CNTNAP2: variants seen among roughly 807,000 people sequenced by gnomAD.
CNTNAP2 encodes the protein contactin-associated protein-like 2.
CNTNAP2 carries 98 observed loss-of-function variants against 155.2 expected under a neutral mutation model. The observed-to-expected ratio is 0.63, with a 90% CI of 0.54 to 0.75. CNTNAP2 has a LOEUF of 0.75. Among genes scored for constraint, CNTNAP2 ranks in the 30% least tolerant of loss-of-function variants. The pLI is 0.00. For synonymous variants in CNTNAP2, 651 were observed against 631.2 expected (o/e 1.03, Z -0.47); for missense variants, 1,727 against 1,688.1 (o/e 1.02, Z -0.40).
chr7:147,638,692 G>C, intron 12 of CNTNAP2: 2 of 373,608 alleles, frequency 5.4e-6, no homozygotes, highest in Non-Finnish European at 5.4e-6. Flanking sequence ...GGAAGACTCA[G>C]AGGCTTGAAA....
chr7:147,674,697 G>A (rs977230284), intron 13 of CNTNAP2, among the ~76,000 whole-genome samples: 1 of 152,044 alleles, frequency 6.6e-6, no homozygotes, highest in African/African-American at 2.4e-5. Flanking sequence ...AATTTACACT[G>A]GTAATTGGAG....
intron 11 of CNTNAP2, among the ~76,000 whole-genome samples, chr7:147,506,767 C>G (rs1562971120): frequency 6.6e-6 from 1 of 152,198 alleles, no homozygotes; most frequent in Non-Finnish European, 1.5e-5. Context: ...GTCTGGTTTT[C>G]CACACTAGCT....
intron 1 of CNTNAP2, among the ~76,000 whole-genome samples, chr7:146,566,263 G>A (rs1798355381): frequency 6.6e-6 from 1 of 152,224 alleles, no homozygotes; most frequent in South Asian, 2.1e-4. Flanking sequence ...CTCCTAAGGG[G>A]AGATGACCTT....
At chr7:147,202,006 A>G (rs1802931573) in intron 8 of CNTNAP2, among the ~76,000 whole-genome samples, 1 of 152,206 alleles carries the variant, frequency 6.6e-6, no homozygotes, top group African/African-American at 2.4e-5. Context: ...AAATGTTAGC[A>G]TATCTGTACC....
chr7:146,591,986 C>T (rs1305746662), intron 1 of CNTNAP2, among the ~76,000 whole-genome samples: 1 of 152,184 alleles, frequency 6.6e-6, no homozygotes, highest in Non-Finnish European at 1.5e-5. Context: ...CATCAGTTAT[C>T]AAAGCCAAAA....
intron 14 of CNTNAP2, among the ~76,000 whole-genome samples, chr7:147,908,182 C>G (rs1437538351): frequency 6.6e-6 from 1 of 152,206 alleles, no homozygotes; most frequent in Non-Finnish European, 1.5e-5. Flanking sequence ...GGCCTCAAGT[C>G]TAATTCCACA....
chr7:148,154,708 G>A (rs1276629356), intron 17 of CNTNAP2, among the ~76,000 whole-genome samples: 1 of 152,116 alleles, frequency 6.6e-6, no homozygotes, highest in Non-Finnish European at 1.5e-5. Flanking sequence ...ATGCTAAGGC[G>A]GGCAGATCAT....
chr7:146,803,361 G>A (rs1413850003), intron 2 of CNTNAP2, among the ~76,000 whole-genome samples: 2 of 152,200 alleles, frequency 1.3e-5, no homozygotes, highest in South Asian at 2.1e-4. Context: ...TGCAAATTAT[G>A]TAGAAAGCAT....
At chr7:146,517,283 A>G (rs1444493268) in intron 1 of CNTNAP2, among the ~76,000 whole-genome samples, 1 of 151,966 alleles carries the variant, frequency 6.6e-6, no homozygotes, top group Non-Finnish European at 1.5e-5. Context: ...TATCCCCCAC[A>G]GATAACAGTT....
intron 12 of CNTNAP2, among the ~76,000 whole-genome samples, chr7:147,569,579 G>A (rs150772500): frequency 3.4e-4 from 52 of 152,254 alleles, no homozygotes; most frequent in Middle Eastern, 3.4e-3. Context: ...GTAATATGCT[G>A]TACAGGTTTG....
At chr7:146,181,260 G>A (rs2116836187) in intron 1 of CNTNAP2, among the ~76,000 whole-genome samples, 1 of 152,206 alleles carries the variant, frequency 6.6e-6, no homozygotes, top group Non-Finnish European at 1.5e-5. Flanking sequence ...ATAGAATAAG[G>A]AGGTTAGGAT....
intron 18 of CNTNAP2, among the ~76,000 whole-genome samples, chr7:148,172,680 T>C (rs1794843981): frequency 6.6e-6 from 1 of 152,170 alleles, no homozygotes; most frequent in Non-Finnish European, 1.5e-5. Flanking sequence ...AGAAGCTCTG[T>C]GTATGGTGCA....
intron 8 of CNTNAP2, among the ~76,000 whole-genome samples, chr7:147,189,525 G>A (rs2116519221): frequency 1.3e-5 from 2 of 152,114 alleles, no homozygotes; most frequent in South Asian, 4.2e-4. Flanking sequence ...ACTAAATGGT[G>A]ATTTGTACTA....
chr7:146,751,123 A>C lies in CNTNAP2; in HGVS notation c.98-23148A>C, dbSNP rs138758321. On this transcript the variant is annotated intron_variant, in intron 1 of 23. Coordinates refer to ENST00000361727, the MANE Select transcript of CNTNAP2 (RefSeq NM_014141.6). Reference sequence around the variant, plus strand: ...CTCAAAGAGTCTTAATAGCATGGGAAAATTAGTTTTATTGTGCAGATATAT... The same window carrying C: ...CTCAAAGAGTCTTAATAGCATGGGACAATTAGTTTTATTGTGCAGATATAT... 9.9e-3 allele frequency among the ~76,000 whole-genome samples: 1,510 copies of C among 152,278 alleles called. 28 individuals carry two copies. Among genetic ancestry groups the C allele is most frequent in the African/African-American group, 0.032 (1,340 of 41,558 alleles).
intron 4 of CNTNAP2, among the ~76,000 whole-genome samples, chr7:147,052,460 T>C (rs1424306792): frequency 1.3e-5 from 2 of 152,084 alleles, no homozygotes; most frequent in Non-Finnish European, 2.9e-5. Context: ...ATTCTTTTAT[T>C]GGTGGAACAG....
At chr7:147,755,380 C>T (rs1437140872) in intron 13 of CNTNAP2, among the ~76,000 whole-genome samples, 12 of 152,320 alleles carry the variant, frequency 7.9e-5, no homozygotes, top group Admixed American at 1.3e-4. Context: ...AGCAGCCAGG[C>T]GCAGTGGCTC....
In CNTNAP2 at chr7:146,443,230, TAATAAATA is replaced by T. The variant is rs540097334; in HGVS notation, c.97+326278_97+326285del. On this transcript the variant is annotated intron_variant, in intron 1 of 23. Transcript: ENST00000361727. ...CTCCGTCTCTAAATAAATAAATAAA[TAATAAATA>T]AATAAATAAATAAATAAATAGATAA... Among the ~76,000 whole-genome samples the T allele has an allele frequency of 2.2e-3, 326 of 147,804 alleles. 2 individuals carry two copies. Among genetic ancestry groups the T allele is most frequent in the Non-Finnish European group, 3.0e-3 (203 of 67,126 alleles).
At chr7:147,836,244 C>G (rs75313998) in intron 13 of CNTNAP2, among the ~76,000 whole-genome samples, 1 of 152,236 alleles carries the variant, frequency 6.6e-6, no homozygotes, top group East Asian at 1.9e-4. Context: ...ACACACGTAA[C>G]GGCTCCCCTA....
intron 1 of CNTNAP2, among the ~76,000 whole-genome samples, chr7:146,339,191 T>C (rs1016012874): frequency 3.3e-5 from 5 of 152,122 alleles, no homozygotes; most frequent in African/African-American, 7.2e-5. Flanking sequence ...AGAAATTTCA[T>C]TGTGTTTGTA....
Sources: allele counts gnomAD v4.1 joint callset (sites outside exome capture counted in the v4.1 genomes callset), GRCh38; gene constraint gnomAD v4.1.1; transcripts MANE v1.5; gene names NCBI Gene and HGNC (gene_info 2026-07-23, HGNC 2026-07-21).